NR3C1: variants seen among roughly 807,000 people sequenced by gnomAD.
The protein encoded by NR3C1 is glucocorticoid receptor.
In NR3C1, 14 loss-of-function variants were observed where a neutral mutation model predicts 74.0. The ratio of observed to expected loss-of-function variants is 0.19; its 90% CI spans 0.12 to 0.30. The LOEUF (loss-of-function observed/expected upper bound fraction) is 0.30. Ranked by LOEUF, NR3C1 falls within the 10% of genes least tolerant of loss-of-function variation. NR3C1 has a pLI of 1.00. For missense variants in NR3C1, 695 were observed against 909.8 expected, an observed-to-expected ratio of 0.76 and a Z score of 3.04; for synonymous variants, 308 against 332.5, an observed-to-expected ratio of 0.93 and a Z score of 0.80.
chr5:143,382,238 AC>A (rs1277495736), intron 2 of NR3C1, among the ~76,000 whole-genome samples: 1 of 151,944 alleles, frequency 6.6e-6, no homozygotes, highest in African/African-American at 2.4e-5. Flanking sequence ...ATTATATATC[AC>A]CCCCACAATT....
intron 2 of NR3C1, among the ~76,000 whole-genome samples, chr5:143,373,582 G>T (rs1834603204): frequency 6.6e-6 from 1 of 151,864 alleles, no homozygotes; most frequent in African/African-American, 2.4e-5. Context: ...TGCACGTTGT[G>T]CACATGTACC....
intron 2 of NR3C1, among the ~76,000 whole-genome samples, chr5:143,340,441 C>A (rs1195210184): frequency 6.7e-6 from 1 of 149,500 alleles, no homozygotes; most frequent in Non-Finnish European, 1.5e-5. Context: ...TTGGCCCTGC[C>A]TTCTGGGGAA....
intron 4 of NR3C1, among the ~76,000 whole-genome samples, chr5:143,307,195 C>T (rs1028349081): frequency 1.3e-5 from 2 of 152,152 alleles, no homozygotes; most frequent in South Asian, 2.1e-4. Context: ...CGCGCCCAAC[C>T]GTATGCTTAA....
intron 1 of NR3C1, among the ~76,000 whole-genome samples, chr5:143,433,460 A>ATATAAAATTTATTTATTTAAAT (rs1561822117): frequency 6.8e-6 from 1 of 146,006 alleles, no homozygotes; most frequent in African/African-American, 2.5e-5. Flanking sequence ...AATTATATAT[A>ATATAAAATTTATTTATTTAAAT]TATATATATA....
At chr5:143,431,120 G>T (rs1317624146) in intron 1 of NR3C1, among the ~76,000 whole-genome samples, 1 of 152,132 alleles carries the variant, frequency 6.6e-6, no homozygotes, top group Non-Finnish European at 1.5e-5. Context: ...GGCCACAGGG[G>T]TACAGGTTCA....
intron 2 of NR3C1, among the ~76,000 whole-genome samples, chr5:143,370,763 A>G (rs1179331584): frequency 6.6e-6 from 1 of 152,202 alleles, no homozygotes; most frequent in East Asian, 1.9e-4. Flanking sequence ...CCACTTGGAA[A>G]TTTTTAATGA....
intron 2 of NR3C1, among the ~76,000 whole-genome samples, chr5:143,319,452 GA>G (rs1822874525): frequency 6.6e-6 from 1 of 152,086 alleles, no homozygotes; most frequent in African/African-American, 2.4e-5. Context: ...TGTTAATATG[GA>G]AAAAAATTCC....
chr5:143,378,644 A>T (rs1659308991), intron 2 of NR3C1, among the ~76,000 whole-genome samples: 1 of 152,186 alleles, frequency 6.6e-6, no homozygotes, highest in African/African-American at 2.4e-5. Flanking sequence ...CCCTTTGTAT[A>T]AATTAAATTA....
intron 2 of NR3C1, among the ~76,000 whole-genome samples, chr5:143,392,476 C>A (rs911566782): frequency 4.6e-5 from 7 of 151,880 alleles, no homozygotes; most frequent in African/African-American, 1.7e-4. Flanking sequence ...CTAACATACC[C>A]AATATTAAAT....
At chr5:143,398,953 T>G (rs1191938131) in intron 2 of NR3C1, among the ~76,000 whole-genome samples, 1 of 152,190 alleles carries the variant, frequency 6.6e-6, no homozygotes, top group Non-Finnish European at 1.5e-5. Flanking sequence ...CAGGAACATT[T>G]GAACGTAAAA....
At chr5:143,378,049 A>G (rs996725637) in intron 2 of NR3C1, among the ~76,000 whole-genome samples, 7 of 151,978 alleles carry the variant, frequency 4.6e-5, no homozygotes, top group African/African-American at 1.7e-4. Context: ...CAGGAATGTG[A>G]GACCAGCCTG....
intron 1 of NR3C1, among the ~76,000 whole-genome samples, chr5:143,427,513 C>T (rs1751594728): frequency 1.3e-5 from 2 of 152,106 alleles, no homozygotes; most frequent in Admixed American, 1.3e-4. Context: ...CTTCCAGCAC[C>T]ATCTAGGAAA....
At chr5:143,432,904 C>T (rs894322771) in intron 1 of NR3C1, among the ~76,000 whole-genome samples, 1 of 152,150 alleles carries the variant, frequency 6.6e-6, no homozygotes, top group Admixed American at 6.5e-5. Flanking sequence ...CTCTGCCCCA[C>T]GTTCATTCGT....
At chr5:143,320,423 A>G (rs576977853) in intron 2 of NR3C1, among the ~76,000 whole-genome samples, 1 of 152,316 alleles carries the variant, frequency 6.6e-6, no homozygotes, top group East Asian at 1.9e-4. Context: ...AGAGGGTTAC[A>G]GCAACAAAAC....
intron 2 of NR3C1, among the ~76,000 whole-genome samples, chr5:143,345,783 T>G (rs373975666): frequency 1.3e-5 from 2 of 152,364 alleles, no homozygotes; most frequent in East Asian, 3.9e-4. Flanking sequence ...TGTATATATA[T>G]AGCTCACATT....
chr5:143,410,143 C>T (rs958067521), intron 1 of NR3C1, among the ~76,000 whole-genome samples: 2 of 152,158 alleles, frequency 1.3e-5, no homozygotes, highest in Non-Finnish European at 2.9e-5. Flanking sequence ...TCATTTGTGG[C>T]ATTTGTGGCT....
chr5:143,337,175 G>A (rs1484433364), intron 2 of NR3C1, among the ~76,000 whole-genome samples: 1 of 151,926 alleles, frequency 6.6e-6, no homozygotes, highest in Non-Finnish European at 1.5e-5. Flanking sequence ...TCAACTAAAA[G>A]GACAGAAAAC....
At chr5:143,386,168 C>T (rs55817235) in intron 2 of NR3C1, among the ~76,000 whole-genome samples, 15,243 of 152,212 alleles carry the variant, frequency 0.1, 1,099 homozygotes, top group Non-Finnish European at 0.15. Context: ...CTCATGAGAA[C>T]TCACTATCAT....
intron 3 of NR3C1, 65 bp downstream of exon 3, chr5:143,313,937 C>G: frequency 5.7e-6 from 9 of 1,573,942 alleles, no homozygotes; most frequent in Non-Finnish European, 7.9e-6. Flanking sequence ...ATGGAAATTT[C>G]AAAATCCACC....
Sources: allele counts gnomAD v4.1 joint callset (sites outside exome capture counted in the v4.1 genomes callset), GRCh38; gene constraint gnomAD v4.1.1; transcripts MANE v1.5; gene names NCBI Gene and HGNC (gene_info 2026-07-23, HGNC 2026-07-21).